Variants in INO80 observed in about 807,000 individuals in gnomAD.
INO80 encodes chromatin-remodeling ATPase INO80.
In INO80, 20 loss-of-function variants were observed where a neutral mutation model predicts 203.4. The observed-to-expected ratio is 0.10, with a 90% CI of 0.07 to 0.14. The LOEUF is 0.14. Among genes scored for constraint, INO80 ranks in the 10% least tolerant of loss-of-function variants. INO80 has a pLI of 1.00. For missense variants in INO80, 1,419 were observed against 1,914.4 expected (o/e 0.74, Z 4.83); for synonymous variants, 726 against 685.2 (o/e 1.06, Z -0.93).
intron 1 of INO80, among the ~76,000 whole-genome samples, chr15:41,107,021 T>C (rs1404219466): frequency 6.6e-6 from 1 of 152,246 alleles, no homozygotes; most frequent in Non-Finnish European, 1.5e-5. Context: ...ATAACGCTTA[T>C]GTACAGTCCC....
intron 20 of INO80, among the ~76,000 whole-genome samples, chr15:41,049,658 G>A: frequency 6.6e-6 from 1 of 152,188 alleles, no homozygotes; most frequent in Middle Eastern, 3.2e-3. Context: ...GGCCGAGGCG[G>A]GTGGATCCCT....
At chr15:41,095,241 T>G (rs528526430) in intron 4 of INO80, among the ~76,000 whole-genome samples, 20 of 152,312 alleles carry the variant, frequency 1.3e-4, no homozygotes, top group African/African-American at 4.3e-4. Context: ...CTCAGGAGGC[T>G]GAGGCAGGAG....
Position 40,983,747 on chromosome 15 carries a change from G to A in INO80, c.4237+15C>T, listed in dbSNP as rs1385689358. 1 of 1,611,158 alleles carries A rather than the reference G, an allele frequency of 6.2e-7. No homozygotes were observed. The highest frequency in any genetic ancestry group is 1.7e-5 in the Admixed American group (1 of 59,934). On this transcript the variant is annotated intron_variant, in intron 34 of 35. Coordinates refer to ENST00000648947, the MANE Select transcript of INO80 (RefSeq NM_017553.3). ...AGTGGACCAGGCCCAAGCTGTACAA[G>A]ACAGCAGCAATTACCATTCACGGTA...
rs1203612703 is a variant in INO80 at position 41,007,707 on chromosome 15, G to C, written c.3403-2020C>G. Among the ~76,000 whole-genome samples the C allele has an allele frequency of 4.0e-5, 6 of 149,932 alleles. No homozygotes were observed. In the East Asian group the frequency reaches 7.8e-4, roughly 20 times the overall value. ...CTTCAAGTCTTAGCTCTTGAACTAA[G>C]ACGAGCAGTGGGACTTCAGGCTTTA... is the stretch of plus-strand genomic sequence containing the variant. On this transcript the variant is annotated intron_variant, in intron 27 of 35. Transcript: ENST00000648947.
rs746395208 is a variant in INO80, at chr15:41,013,596, A to G, written c.3402+2492T>C. ...TTGGGCATTGTAATTCCATGCTCAT[A>G]AATTAAATTCTATTTCAGTACTAAT... On this transcript the variant is annotated intron_variant, in intron 27 of 35. Transcript: ENST00000648947. Among the ~76,000 whole-genome samples, 12 of 152,342 alleles carry G rather than the reference A, an allele frequency of 7.9e-5. No homozygotes were observed. In the South Asian group the frequency reaches 1.7e-3, roughly 21 times the overall value.
In INO80 at chr15:40,999,058, AAATT is replaced by A. The variant is rs564659670; in HGVS notation, c.3498-1461_3498-1458del. Among the ~76,000 whole-genome samples, 36 of 151,872 alleles carry A rather than the reference AAATT, an allele frequency of 2.4e-4. 1 individual carries two copies. Among genetic ancestry groups the A allele is most frequent in the African/African-American group, 7.8e-4 (32 of 41,276 alleles). On this transcript the variant is annotated intron_variant, in intron 28 of 35. Transcript: ENST00000648947. ...GTTTGGTGCTTTAGATGGCATTAAG[AAATT>A]AATTAAAGAAAGAAAAAAGATTAGA...
intron 22 of INO80, 64 bp downstream of exon 22, chr15:41,048,148 C>A (rs1473925696): frequency 7.9e-7 from 1 of 1,269,944 alleles, no homozygotes; most frequent in Non-Finnish European, 1.1e-6. Context: ...AGTCTCTCAG[C>A]AAAACAAAGA....
chr15:41,015,884 T>C (rs1481296238), intron 27 of INO80, among the ~76,000 whole-genome samples: 2 of 147,556 alleles, frequency 1.4e-5, no homozygotes, highest in African/African-American at 5.0e-5. Flanking sequence ...AAGGCAGAGG[T>C]TGCAGAGCCG....
At chr15:41,097,886 G>A (rs1224060224) in intron 1 of INO80, among the ~76,000 whole-genome samples, 2 of 152,002 alleles carry the variant, frequency 1.3e-5, no homozygotes, top group African/African-American at 4.8e-5. Context: ...CTGGGAGGCA[G>A]AAGTTGCAGT....
intron 7 of INO80, 99 bp downstream of exon 7, chr15:41,085,270 T>C: frequency 9.9e-7 from 1 of 1,005,314 alleles, no homozygotes; most frequent in South Asian, 1.5e-5. Context: ...CTTTGCAGAA[T>C]TCCTATCTGT....
At position 41,044,937 on chromosome 15, in the gene INO80, G is replaced by C; in HGVS notation, c.2874C>G (p.Ser958=). The change falls in exon 24 of 36, where the codon TCC becomes TCG. Residue 958 remains serine (S), a synonymous_variant. Transcript: ENST00000648947. ...DFLLGVNFPL[S]FPNLCSCPLL... ...AAGGGCAGCTGCAAAGGTTTGGAAA[G>C]GAGAGTGGAAAATTAACCCCAAGAA... The C allele has an allele frequency of 6.2e-7, 1 of 1,613,060 alleles. No individual in the cohort carries two copies. The highest frequency in any genetic ancestry group is 8.5e-7 in the Non-Finnish European group (1 of 1,179,756).
chr15:41,049,348 G>T lies in INO80; in HGVS notation c.2515C>A (p.His839Asn). ...SPFHISLKPYHISKFIYRHGQ... is the reference protein window; with the variant it reads ...SPFHISLKPYNISKFIYRHGQ... ...TGACGGTAGATAAACTTTGAAATGT[G>T]GTATGGCTTTAGGGAAATATGAAAT... The change falls in exon 21 of 36, where the codon CAC becomes AAC. Residue 839 changes from histidine to asparagine, a missense_variant. Transcript: ENST00000648947. The T allele has an allele frequency of 6.2e-7, 1 of 1,613,512 alleles. No individual in the cohort carries two copies. The highest frequency in any genetic ancestry group is 8.5e-7 in the Non-Finnish European group (1 of 1,179,472).
chr15:41,001,410 C>G (rs1016716827), intron 28 of INO80, among the ~76,000 whole-genome samples: 2 of 152,186 alleles, frequency 1.3e-5, no homozygotes, highest in African/African-American at 2.4e-5. Context: ...ACATAGCTGA[C>G]TGCAGTAAAG....
intron 27 of INO80, chr15:41,013,281 TAAA>T (rs146832651): frequency 2.8e-4 from 43 of 152,284 alleles, no homozygotes; most frequent in African/African-American, 1.0e-3. Context: ...AATCCTGAAA[TAAA>T]AACAAAACAA....
chr15:41,087,387 ACCCATGGATAC>A (rs2045578345), intron 6 of INO80, among the ~76,000 whole-genome samples, 164 bp downstream of exon 6: 1 of 152,166 alleles, frequency 6.6e-6, no homozygotes, highest in African/African-American at 2.4e-5. Flanking sequence ...GAATCCAATC[ACCCATGGATAC>A]CAAAGGGAAA....
At chr15:41,084,213 AC>A (rs2045526537) in intron 7 of INO80, among the ~76,000 whole-genome samples, 1 of 150,934 alleles carries the variant, frequency 6.6e-6, no homozygotes, top group African/African-American at 2.5e-5. Context: ...AAAAAAAAAA[AC>A]GCTACATATG....
intron 7 of INO80, among the ~76,000 whole-genome samples, chr15:41,084,362 C>T (rs1016666077): frequency 6.6e-6 from 1 of 151,994 alleles, no homozygotes; most frequent in Non-Finnish European, 1.5e-5. Context: ...GAGTTCGAGA[C>T]CAGCCTGGCC....
intron 5 of INO80, 115 bp from the exon 6 acceptor site, chr15:41,087,797 C>A: frequency 9.8e-7 from 1 of 1,022,960 alleles, no homozygotes. Context: ...AGTATTCTTC[C>A]CACAAAGAGA....
intron 14 of INO80, among the ~76,000 whole-genome samples, chr15:41,068,839 G>A (rs977853534): frequency 1.2e-4 from 18 of 152,082 alleles, no homozygotes; most frequent in Non-Finnish European, 7.4e-5. Flanking sequence ...TAGCCTCGGC[G>A]ACAGAGTGAG....
Sources: allele counts gnomAD v4.1 joint callset (sites outside exome capture counted in the v4.1 genomes callset), GRCh38; gene constraint gnomAD v4.1.1; transcripts MANE v1.5; gene names NCBI Gene and HGNC (gene_info 2026-07-23, HGNC 2026-07-21).